The following ARB2A variants were observed in gnomAD, a reference collection of about 807,000 sequenced individuals.
The protein encoded by ARB2A is ARB2 cotranscriptional regulator A, also known as cotranscriptional regulator ARB2A.
the ARB2A span, among the ~76,000 whole-genome samples, chr5:93,990,004 A>G: frequency 6.6e-6 from 1 of 152,198 alleles, no homozygotes; most frequent in East Asian, 1.9e-4. Context: ...AGAATAATCA[A>G]GGAAACACAT....
At chr5:93,904,787 G>A in the ARB2A span, among the ~76,000 whole-genome samples, 3 of 151,666 alleles carry the variant, frequency 2.0e-5, no homozygotes, top group South Asian at 6.2e-4. Flanking sequence ...ACTCTTATAA[G>A]AGATTCTGAA....
the ARB2A span, among the ~76,000 whole-genome samples, chr5:94,051,972 A>G: frequency 2.0e-5 from 3 of 152,072 alleles, no homozygotes; most frequent in African/African-American, 7.2e-5. Context: ...GGCGCATGCC[A>G]CCACGCCTGG....
chr5:93,682,922 T>C, the ARB2A span: 4 of 1,570,744 alleles, frequency 2.5e-6, no homozygotes, highest in South Asian at 1.1e-5. Flanking sequence ...ATTGATGAAT[T>C]TGGCTTCCAC....
At chr5:93,707,780 G>T in the ARB2A span, among the ~76,000 whole-genome samples, 2 of 152,008 alleles carry the variant, frequency 1.3e-5, no homozygotes, top group Non-Finnish European at 2.9e-5. Flanking sequence ...TTGCCATGTT[G>T]ACCAGGCTGG....
chr5:94,047,712 C>T, the ARB2A span, among the ~76,000 whole-genome samples: 1 of 151,930 alleles, frequency 6.6e-6, no homozygotes. Context: ...TCCATATATC[C>T]AAAGAATTAT....
the ARB2A span, among the ~76,000 whole-genome samples, chr5:93,955,942 A>G: frequency 6.6e-6 from 1 of 152,242 alleles, no homozygotes; most frequent in Non-Finnish European, 1.5e-5. Context: ...TATGTGAGTA[A>G]AGGCCATCAA....
chr5:93,713,708 G>A, the ARB2A span, among the ~76,000 whole-genome samples: 1 of 149,380 alleles, frequency 6.7e-6, no homozygotes, highest in Non-Finnish European at 1.5e-5. Context: ...CCCAAAGAAA[G>A]GCAGTCAGTA....
the ARB2A span, among the ~76,000 whole-genome samples, chr5:93,984,935 A>T: frequency 6.6e-6 from 1 of 152,200 alleles, no homozygotes; most frequent in African/African-American, 2.4e-5. Context: ...ATATAACATG[A>T]TATACATTGA....
chr5:94,061,538 G>A, the ARB2A span, among the ~76,000 whole-genome samples: 2 of 152,152 alleles, frequency 1.3e-5, no homozygotes, highest in East Asian at 1.9e-4. Flanking sequence ...GATTGTCTAC[G>A]TAGAAAATCC....
At chr5:93,855,780 A>G in the ARB2A span, among the ~76,000 whole-genome samples, 2,762 of 152,310 alleles carry the variant, frequency 0.018, 62 homozygotes, top group African/African-American at 0.044. Flanking sequence ...AATGTTGAAT[A>G]TTGGAAAGGA....
chr5:94,050,481 T>C, the ARB2A span, among the ~76,000 whole-genome samples: 2 of 151,854 alleles, frequency 1.3e-5, no homozygotes, highest in African/African-American at 4.8e-5. Flanking sequence ...TCTGGATCTC[T>C]TGACCTCGTG....
chr5:93,734,516 C>T, the ARB2A span: 10 of 152,138 alleles, frequency 6.6e-5, no homozygotes, highest in Admixed American at 5.9e-4. Context: ...CATTATTCTG[C>T]TTATACTCTA....
chr5:93,993,123 C>T, the ARB2A span, among the ~76,000 whole-genome samples: 1 of 152,004 alleles, frequency 6.6e-6, no homozygotes, highest in African/African-American at 2.4e-5. Context: ...ATGTACCTGC[C>T]ATTTTATATC....
At chr5:93,754,253 C>G in the ARB2A span, among the ~76,000 whole-genome samples, 3 of 152,160 alleles carry the variant, frequency 2.0e-5, no homozygotes, top group African/African-American at 7.2e-5. Context: ...GTAGGAGAGA[C>G]AGACAATAAA....
the ARB2A span, among the ~76,000 whole-genome samples, chr5:93,819,250 A>G: frequency 6.6e-6 from 1 of 151,862 alleles, no homozygotes; most frequent in African/African-American, 2.4e-5. Context: ...CAGATATTTA[A>G]GACTACTCAT....
chr5:93,856,304 A>T, the ARB2A span, among the ~76,000 whole-genome samples: 1 of 152,044 alleles, frequency 6.6e-6, no homozygotes, highest in East Asian at 1.9e-4. Context: ...TGTTCTCTGT[A>T]TTTCCTGAAT....
At chr5:93,690,452 G>C in the ARB2A span, among the ~76,000 whole-genome samples, 2 of 152,154 alleles carry the variant, frequency 1.3e-5, no homozygotes, top group Non-Finnish European at 2.9e-5. Context: ...TTCAAACTGG[G>C]TGGAGACCAC....
At chr5:93,760,518 T>C in the ARB2A span, among the ~76,000 whole-genome samples, 1 of 152,222 alleles carries the variant, frequency 6.6e-6, no homozygotes, top group African/African-American at 2.4e-5. Context: ...AAGGTTACAG[T>C]CACCAAAACA....
chr5:94,050,306 G>C, the ARB2A span, among the ~76,000 whole-genome samples: 1 of 148,816 alleles, frequency 6.7e-6, no homozygotes, highest in African/African-American at 2.5e-5. Flanking sequence ...CCAGGCTGGA[G>C]TGCAATGGTG....
Sources: allele counts gnomAD v4.1 joint callset (sites outside exome capture counted in the v4.1 genomes callset), GRCh38; gene constraint gnomAD v4.1.1; transcripts MANE v1.5; gene names NCBI Gene and HGNC (gene_info 2026-07-23, HGNC 2026-07-21).